The following NDE1 variants were observed in gnomAD, a reference collection of about 807,000 sequenced individuals.
The protein encoded by NDE1 is nuclear distribution protein nudE homolog 1.
NDE1 carries 28 observed loss-of-function variants against 43.4 expected under a neutral mutation model. The ratio of observed to expected loss-of-function variants is 0.65; its 90% confidence interval spans 0.48 to 0.89. The LOEUF (loss-of-function observed/expected upper bound fraction) is 0.89, where lower values mean the gene tolerates loss of function less well. Ranked by LOEUF, NDE1 falls within the 40% of genes least tolerant of loss-of-function variation. The pLI, the probability that NDE1 is intolerant of heterozygous loss-of-function variation, is 0.00. For missense variants in NDE1, 441 were observed against 434.1 expected (o/e 1.02, Z -0.14); for synonymous variants, 184 against 172.0 (o/e 1.07, Z -0.55).
intron 8 of NDE1, chr16:15,703,843 G>T: frequency 9.0e-7 from 1 of 1,109,642 alleles, no homozygotes; most frequent in Non-Finnish European, 1.4e-6. Context: ...AGGGGTGTCT[G>T]TGATATTTGG....
intron 1 of NDE1, among the ~76,000 whole-genome samples, chr16:15,656,692 C>T (rs1247706333): frequency 2.0e-5 from 3 of 152,070 alleles, no homozygotes; most frequent in Non-Finnish European, 4.4e-5. Flanking sequence ...AGGCATGTGC[C>T]ACCATGCCCA....
chr16:15,664,282 T>G (rs1331571087), intron 1 of NDE1, among the ~76,000 whole-genome samples: 1 of 151,754 alleles, frequency 6.6e-6, no homozygotes, highest in African/African-American at 2.4e-5. Flanking sequence ...AACAGGTGAG[T>G]GGATTGTGTT....
chr16:15,720,199 A>G, intron 8 of NDE1: 2 of 1,614,058 alleles, frequency 1.2e-6, no homozygotes, highest in African/African-American at 1.3e-5. Context: ...CCTTGATGGC[A>G]GAGTCGGCCT....
At chr16:15,718,245 T>C (rs951407799) in intron 8 of NDE1, 1 of 1,601,648 alleles carries the variant, frequency 6.2e-7, no homozygotes, top group African/African-American at 1.3e-5. Flanking sequence ...ACGCGTGTGT[T>C]GACTGGTGCA....
chr16:15,722,186 C>A (rs2040521372), intron 8 of NDE1, among the ~76,000 whole-genome samples: 1 of 152,160 alleles, frequency 6.6e-6, no homozygotes, highest in Admixed American at 6.5e-5. Context: ...AACCACTAGA[C>A]CTGCCCACGT....
chr16:15,659,895 C>A, intron 1 of NDE1, among the ~76,000 whole-genome samples: 1 of 151,290 alleles, frequency 6.6e-6, no homozygotes, highest in East Asian at 1.9e-4. Context: ...ACTACAGGTA[C>A]CTGCCACTGC....
At chr16:15,686,030 C>T (rs976716663) in intron 4 of NDE1, among the ~76,000 whole-genome samples, 3 of 151,324 alleles carry the variant, frequency 2.0e-5, no homozygotes, top group African/African-American at 7.3e-5. Flanking sequence ...TGGCTCACTG[C>T]AACATTCACC....
At chr16:15,686,920 C>G (rs2038467195) in intron 4 of NDE1, 1 of 944,908 alleles carries the variant, frequency 1.1e-6, no homozygotes, top group Non-Finnish European at 1.3e-6. Flanking sequence ...TGGTCTTGAA[C>G]TCCTGATCTC....
At chr16:15,652,295 C>T (rs2036542249) in intron 1 of NDE1, among the ~76,000 whole-genome samples, 1 of 152,174 alleles carries the variant, frequency 6.6e-6, no homozygotes, top group South Asian at 2.1e-4. Context: ...CTGCCTTGGC[C>T]TCCCACAGTG....
chr16:15,693,617 A>G (rs193010784), intron 6 of NDE1, among the ~76,000 whole-genome samples: 19 of 152,168 alleles, frequency 1.2e-4, no homozygotes, highest in African/African-American at 4.6e-4. Context: ...CCTGGGCAAC[A>G]TAGTGAGACC....
intron 3 of NDE1, among the ~76,000 whole-genome samples, chr16:15,668,678 TTCC>T (rs1435357546): frequency 6.6e-6 from 1 of 152,184 alleles, no homozygotes; most frequent in Non-Finnish European, 1.5e-5. Context: ...AAAAACTTAA[TTCC>T]TCAGTCACAG....
chr16:15,717,390 C>T (rs775442963), intron 8 of NDE1: 2 of 1,594,784 alleles, frequency 1.3e-6, no homozygotes, highest in African/African-American at 1.3e-5. Flanking sequence ...CTCAGGGAAG[C>T]CCAAGAGAGC....
intron 1 of NDE1, among the ~76,000 whole-genome samples, chr16:15,652,903 C>A (rs553541909): frequency 2.2e-4 from 34 of 152,158 alleles, no homozygotes; most frequent in Non-Finnish European, 4.1e-4. Context: ...TGGGTTCAAG[C>A]GATCCTTCCG....
At chr16:15,713,267 T>C (rs1567680775) in intron 8 of NDE1, 1 of 151,754 alleles carries the variant, frequency 6.6e-6, no homozygotes, top group African/African-American at 2.4e-5. Flanking sequence ...AAAATAGAAG[T>C]GTACAGAGGT....
At chr16:15,688,770 C>T (rs2038581851) in intron 5 of NDE1, among the ~76,000 whole-genome samples, 1 of 118,098 alleles carries the variant, frequency 8.5e-6, no homozygotes, top group African/African-American at 3.2e-5. Context: ...GCTATCTCTG[C>T]TCACTGCAAC....
chr16:15,716,798 GCCACCACGTCCAGCCT>G (rs879386762), intron 8 of NDE1, among the ~76,000 whole-genome samples: 1 of 152,218 alleles, frequency 6.6e-6, no homozygotes, highest in Non-Finnish European at 1.5e-5. Context: ...ACAGGCGTGA[GCCACCACGTCCAGCCT>G]GGTTGGATTT....
At chr16:15,677,673 T>G in intron 3 of NDE1, 128 bp from the exon 4 acceptor site, 2 of 950,590 alleles carry the variant, frequency 2.1e-6, no homozygotes, top group Non-Finnish European at 3.3e-6. Flanking sequence ...AGCCTCTAAC[T>G]CCTGGGCTCA....
At chr16:15,654,515 C>T (rs80118652) in intron 1 of NDE1, among the ~76,000 whole-genome samples, 1 of 145,800 alleles carries the variant, frequency 6.9e-6, no homozygotes, top group African/African-American at 2.5e-5. Context: ...GTAGGAGAAT[C>T]GCTTGAAGCT....
In NDE1 at chr16:15,725,593, A is replaced by G. The variant is rs2040714391; in HGVS notation, c.*1342A>G. 4.9e-6 allele frequency: 2 copies of G among 406,324 alleles called. No homozygotes were observed. Among genetic ancestry groups the G allele is most frequent in the Non-Finnish European group, 4.3e-6 (1 of 230,072 alleles). 25.2% of individuals were successfully genotyped at this position (406,324 alleles called of 1,614,324 possible). The stretch of plus-strand genomic sequence containing the variant: ...GTTAGCCTACCCCTCCATCTCTTCC[A>G]TTGACAAGGAGGATATGAATGATCT... On this transcript the variant is annotated 3_prime_UTR_variant, in exon 9 of 9. Transcript: ENST00000396354.
Sources: allele counts gnomAD v4.1 joint callset (sites outside exome capture counted in the v4.1 genomes callset), GRCh38; gene constraint gnomAD v4.1.1; transcripts MANE v1.5; gene names NCBI Gene and HGNC (gene_info 2026-07-23, HGNC 2026-07-21).